MAPK8: variants seen among roughly 807,000 people sequenced by gnomAD.
MAPK8 encodes the protein mitogen-activated protein kinase 8.
A neutral mutation model predicts 52.9 loss-of-function variants in MAPK8; 13 were observed. That is an observed-to-expected ratio of 0.25 (90% confidence interval 0.16 to 0.39). MAPK8 has a LOEUF of 0.39. Among genes scored for constraint, MAPK8 ranks in the 10% least tolerant of loss-of-function variants. The pLI, the probability that MAPK8 is intolerant of heterozygous loss-of-function variation, is 1.00. For synonymous variants in MAPK8, 191 were observed against 169.8 expected (o/e 1.12, Z -0.97); for missense variants, 300 against 519.2 (o/e 0.58, Z 4.10).
At chr10:48,426,927 C>CT (rs1377089295) in intron 9 of MAPK8, 153 bp from the exon 10 acceptor site, 1 of 573,648 alleles carries the variant, frequency 1.7e-6, no homozygotes, top group Non-Finnish European at 3.1e-6. Flanking sequence ...TCTTCCTAAA[C>CT]TATTATGTCT....
At chr10:48,374,626 TAG>T (rs1375817454) in intron 1 of MAPK8, among the ~76,000 whole-genome samples, 1 of 152,184 alleles carries the variant, frequency 6.6e-6, no homozygotes, top group Non-Finnish European at 1.5e-5. Context: ...GCAAATAAAC[TAG>T]AAAATCTAGA....
chr10:48,386,617 G>A (rs754529602), intron 1 of MAPK8, among the ~76,000 whole-genome samples: 2 of 149,702 alleles, frequency 1.3e-5, no homozygotes, highest in Non-Finnish European at 2.9e-5. Flanking sequence ...AAGTGTTATG[G>A]TAATATCATA....
intron 1 of MAPK8, among the ~76,000 whole-genome samples, chr10:48,398,460 A>C (rs753856321): frequency 6.6e-6 from 1 of 152,242 alleles, no homozygotes; most frequent in Non-Finnish European, 1.5e-5. Context: ...CAATCCGAAG[A>C]ATGTGGAACA....
intron 1 of MAPK8, among the ~76,000 whole-genome samples, chr10:48,330,319 T>A (rs1844008827): frequency 6.6e-6 from 1 of 152,214 alleles, no homozygotes; most frequent in Non-Finnish European, 1.5e-5. Flanking sequence ...TTTAACTTAA[T>A]AGGAAGATGT....
At chr10:48,393,630 C>A (rs1314020077) in intron 1 of MAPK8, among the ~76,000 whole-genome samples, 1 of 151,972 alleles carries the variant, frequency 6.6e-6, no homozygotes, top group Non-Finnish European at 1.5e-5. Flanking sequence ...TGAAACAGGA[C>A]CCCATGTAAA....
intron 1 of MAPK8, among the ~76,000 whole-genome samples, chr10:48,336,092 A>G (rs1163028310): frequency 1.3e-5 from 2 of 152,172 alleles, no homozygotes; most frequent in Non-Finnish European, 2.9e-5. Flanking sequence ...CAGGTATTTG[A>G]CGGTCAAGAT....
At chr10:48,344,087 A>C (rs1564508236) in intron 1 of MAPK8, among the ~76,000 whole-genome samples, 1 of 152,200 alleles carries the variant, frequency 6.6e-6, no homozygotes, top group Non-Finnish European at 1.5e-5. Flanking sequence ...TTACTTAAGG[A>C]ATGCAAATGA....
intron 1 of MAPK8, among the ~76,000 whole-genome samples, chr10:48,316,564 A>G (rs191819232): frequency 6.6e-6 from 1 of 152,338 alleles, no homozygotes; most frequent in African/African-American, 2.4e-5. Flanking sequence ...GTCAAAGTAG[A>G]GGTCAAGATA....
chr10:48,405,275 A>G (rs1295989860), intron 3 of MAPK8, among the ~76,000 whole-genome samples: 1 of 152,184 alleles, frequency 6.6e-6, no homozygotes, highest in African/African-American at 2.4e-5. Context: ...GCTTGATCTC[A>G]TCTTCTGCTT....
intron 10 of MAPK8, among the ~76,000 whole-genome samples, chr10:48,428,747 T>C (rs2043892189): frequency 6.6e-6 from 1 of 152,200 alleles, no homozygotes; most frequent in Non-Finnish European, 1.5e-5. Flanking sequence ...TAACCTAATA[T>C]TTTTACATCC....
rs913682691 is a variant in MAPK8 at position 48,306,707 on chromosome 10, A to T, written c.-164A>T. The T allele has an allele frequency of 6.6e-6, 1 of 151,236 alleles. No individual in the cohort carries two copies. The highest frequency in any genetic ancestry group is 2.4e-5 in the African/African-American group (1 of 41,280). The allele number at this position is 151,236 out of a possible 1,614,324, so 9.4% of individuals were successfully genotyped here. ...TCAGCCGAGCGGCCGAGGCCGGACG[A>T]CGCGGCTTGGATTGCGGAGCCGCGA... is the stretch of plus-strand genomic sequence containing the variant. On this transcript the variant is annotated 5_prime_UTR_variant, in exon 1 of 12. Coordinates refer to ENST00000374189, the MANE Select transcript of MAPK8 (RefSeq NM_001323329.2).
intron 1 of MAPK8, among the ~76,000 whole-genome samples, chr10:48,357,532 G>A (rs756387534): frequency 2.0e-5 from 3 of 151,954 alleles, no homozygotes; most frequent in Non-Finnish European, 4.4e-5. Flanking sequence ...TGGGAGCTGG[G>A]ACTATAGATA....
At chr10:48,330,944 C>T (rs888388151) in intron 1 of MAPK8, among the ~76,000 whole-genome samples, 2 of 152,098 alleles carry the variant, frequency 1.3e-5, no homozygotes, top group Non-Finnish European at 2.9e-5. Context: ...ACTGCCAGTA[C>T]TTAGATTTGT....
At chr10:48,326,192 G>A (rs985083314) in intron 1 of MAPK8, among the ~76,000 whole-genome samples, 1 of 152,134 alleles carries the variant, frequency 6.6e-6, no homozygotes, top group African/African-American at 2.4e-5. Flanking sequence ...CTTCTGTGCA[G>A]GAGATTTTTA....
intron 1 of MAPK8, among the ~76,000 whole-genome samples, chr10:48,363,235 G>T (rs900923298): frequency 3.9e-5 from 6 of 152,198 alleles, no homozygotes; most frequent in African/African-American, 1.4e-4. Context: ...AGTCCTAGGT[G>T]AGCTGGGGTT....
At chr10:48,400,266 T>A (rs1202347506) in intron 1 of MAPK8, among the ~76,000 whole-genome samples, 1 of 152,232 alleles carries the variant, frequency 6.6e-6, no homozygotes, top group Non-Finnish European at 1.5e-5. Context: ...CAGTTAGTGA[T>A]TTTAGAAATG....
At chr10:48,388,728 G>A (rs184363171) in intron 1 of MAPK8, among the ~76,000 whole-genome samples, 1 of 152,178 alleles carries the variant, frequency 6.6e-6, no homozygotes. Flanking sequence ...TAAAATTCTG[G>A]TTTTCTTTAT....
chr10:48,413,857 A>ATATATATATATATG (rs1439503845), intron 5 of MAPK8, among the ~76,000 whole-genome samples: 15 of 124,558 alleles, frequency 1.2e-4, no homozygotes, highest in African/African-American at 4.4e-4. Flanking sequence ...ATATATATAT[A>ATATATATATATATG]TATTCAGAAA....
At chr10:48,415,064 T>G (rs1189840375) in intron 5 of MAPK8, among the ~76,000 whole-genome samples, 3 of 152,190 alleles carry the variant, frequency 2.0e-5, no homozygotes, top group Admixed American at 1.3e-4. Context: ...AGGCTTATCC[T>G]TAATTATCAT....
Sources: allele counts gnomAD v4.1 joint callset (sites outside exome capture counted in the v4.1 genomes callset), GRCh38; gene constraint gnomAD v4.1.1; transcripts MANE v1.5; gene names NCBI Gene and HGNC (gene_info 2026-07-23, HGNC 2026-07-21).